The following PIGL variants were observed in gnomAD, a reference collection of about 807,000 sequenced individuals.
PIGL encodes N-acetylglucosaminyl-phosphatidylinositol de-N-acetylase.
In PIGL, 22 loss-of-function variants were observed where a neutral mutation model predicts 31.1. That is an observed-to-expected ratio of 0.71 (90% CI 0.51 to 1.01). PIGL has a LOEUF of 1.01. Ranked by LOEUF, PIGL falls within the 50% of genes least tolerant of loss-of-function variation. The probability of loss-of-function intolerance (pLI) is 0.00; values close to 1 mark genes in which losing one functional copy is unlikely to be tolerated. For missense variants in PIGL, 302 were observed against 315.9 expected, an observed-to-expected ratio of 0.96 and a Z score of 0.33; for synonymous variants, 131 against 117.4, an observed-to-expected ratio of 1.12 and a Z score of -0.75.
At chr17:16,316,385 C>T (rs2142869705) in intron 4 of PIGL, among the ~76,000 whole-genome samples, 1 of 152,340 alleles carries the variant, frequency 6.6e-6, no homozygotes, top group Middle Eastern at 3.4e-3. Flanking sequence ...TATGAAGAGT[C>T]CAGCACAGTT....
intron 2 of PIGL, among the ~76,000 whole-genome samples, chr17:16,235,661 C>T (rs1257378275): frequency 1.3e-5 from 2 of 151,172 alleles, no homozygotes; most frequent in African/African-American, 2.4e-5. Context: ...TTGGCCAGGC[C>T]AGGCTGATCT....
intron 5 of PIGL, chr17:16,317,198 T>C (rs1453493075): frequency 2.6e-5 from 26 of 1,005,246 alleles, no homozygotes; most frequent in African/African-American, 1.7e-4. Flanking sequence ...ACCGGCGCAA[T>C]ACGAAGATTC....
chr17:16,323,811 G>T (rs1418187896), intron 6 of PIGL, among the ~76,000 whole-genome samples: 1 of 151,270 alleles, frequency 6.6e-6, no homozygotes, highest in Non-Finnish European at 1.5e-5. Context: ...TAGAGATGGG[G>T]TTTCACTATG....
Position 16,217,337 on chromosome 17 carries a change from G to T in PIGL, c.111G>T (p.Leu37=). The part of the protein sequence containing the change: ...RMKSREQGGR[L]GAESRTLLVI... ...AGAGTCGGGAGCAGGGAGGACGGCT[G>T]GGAGCCGAAAGCCGGACCCTGCTGG... Residue 37 remains leucine (L), a synonymous_variant, in exon 1 of 7, where the codon CTG becomes CTT. Transcript: ENST00000225609. 8.1e-6 allele frequency: 13 copies of T among 1,614,186 alleles called. No homozygotes were observed. The highest frequency in any genetic ancestry group is 1.0e-5 in the Non-Finnish European group (12 of 1,180,014).
chr17:16,247,929 C>A (rs1042904973), intron 2 of PIGL, among the ~76,000 whole-genome samples: 4 of 152,056 alleles, frequency 2.6e-5, no homozygotes, highest in Non-Finnish European at 4.4e-5. Flanking sequence ...ACTCTGTCGC[C>A]CAGGCTGGAG....
intron 1 of PIGL, among the ~76,000 whole-genome samples, chr17:16,220,639 C>T (rs1030106612): frequency 3.3e-5 from 5 of 151,776 alleles, no homozygotes; most frequent in Non-Finnish European, 1.5e-5. Context: ...AGGCATTCAC[C>T]GCCACGCCCA....
intron 1 of PIGL, 125 bp downstream of exon 1, chr17:16,217,586 A>T (rs1284370267): frequency 2.7e-6 from 2 of 741,506 alleles, no homozygotes. Flanking sequence ...CGAAGGTCTT[A>T]CCTCTGAACC....
intron 2 of PIGL, among the ~76,000 whole-genome samples, chr17:16,271,602 G>T (rs1042199811): frequency 5.3e-5 from 8 of 151,742 alleles, no homozygotes; most frequent in African/African-American, 1.9e-4. Context: ...TGCAATCTTG[G>T]CTTACCGCAA....
chr17:16,243,031 C>G (rs1288071462), intron 2 of PIGL, among the ~76,000 whole-genome samples: 2 of 152,116 alleles, frequency 1.3e-5, no homozygotes, highest in Non-Finnish European at 2.9e-5. Flanking sequence ...TAACCATTAA[C>G]TGTGTTGTTA....
At chr17:16,263,600 A>T (rs111910338) in intron 2 of PIGL, among the ~76,000 whole-genome samples, 1 of 140,500 alleles carries the variant, frequency 7.1e-6, no homozygotes, top group Non-Finnish European at 1.6e-5. Context: ...TCTCGGCTCA[A>T]TGCAACCTCT....
intron 2 of PIGL, among the ~76,000 whole-genome samples, chr17:16,265,726 G>A (rs2092839533): frequency 6.6e-6 from 1 of 151,116 alleles, no homozygotes; most frequent in Non-Finnish European, 1.5e-5. Context: ...GGGCAACAGA[G>A]CGAGACTCCG....
chr17:16,242,644 C>CT (rs35572629), intron 2 of PIGL, among the ~76,000 whole-genome samples: 2,043 of 79,100 alleles, frequency 0.026, 338 homozygotes, highest in East Asian at 0.069. Flanking sequence ...TTTCTGATTC[C>CT]TTTTTTTTTT....
chr17:16,316,655 T>C (rs1421260883), intron 4 of PIGL, 26 bp from the exon 5 acceptor site: 1 of 1,577,534 alleles, frequency 6.3e-7, no homozygotes, highest in Non-Finnish European at 8.7e-7. Context: ...CTTACTCCTC[T>C]CACTCTTGTC....
intron 3 of PIGL, among the ~76,000 whole-genome samples, chr17:16,305,762 T>G (rs1467228550): frequency 6.6e-6 from 1 of 152,132 alleles, no homozygotes; most frequent in Non-Finnish European, 1.5e-5. Flanking sequence ...GTTGAGATAC[T>G]CTAGGGTTTT....
chr17:16,314,002 ATCT>A (rs1210321451), intron 4 of PIGL, among the ~76,000 whole-genome samples: 4 of 152,118 alleles, frequency 2.6e-5, no homozygotes, highest in Non-Finnish European at 5.9e-5. Flanking sequence ...CACCTTCACC[ATCT>A]TCTTCCCCTT....
chr17:16,230,252 C>T (rs2092672864), intron 1 of PIGL, among the ~76,000 whole-genome samples: 1 of 152,068 alleles, frequency 6.6e-6, no homozygotes, highest in Non-Finnish European at 1.5e-5. Flanking sequence ...GGAACCCAGG[C>T]CTCTGGGCTC....
At chr17:16,299,246 G>T (rs2092994628) in intron 2 of PIGL, among the ~76,000 whole-genome samples, 7 of 151,430 alleles carry the variant, frequency 4.6e-5, no homozygotes, top group Admixed American at 4.6e-4. Flanking sequence ...CCTGAGGTCA[G>T]GAGTTCAAGA....
intron 2 of PIGL, among the ~76,000 whole-genome samples, chr17:16,259,490 A>C (rs1278027657): frequency 1.3e-5 from 2 of 152,110 alleles, no homozygotes; most frequent in African/African-American, 4.8e-5. Context: ...AAGGCAACAG[A>C]GTGAGACCCT....
At chr17:16,283,560 C>T (rs1007170339) in intron 2 of PIGL, among the ~76,000 whole-genome samples, 2 of 152,052 alleles carry the variant, frequency 1.3e-5, no homozygotes, top group Non-Finnish European at 2.9e-5. Flanking sequence ...GTGGCTCACA[C>T]CTGTAATCTG....
Sources: gnomAD v4.1 joint callset for allele counts (sites outside exome capture counted in the v4.1 genomes callset) on GRCh38, gnomAD v4.1.1 for gene constraint, MANE v1.5 for transcripts, NCBI Gene and HGNC (gene_info 2026-07-23, HGNC 2026-07-21) for gene names.